The following DLG2 variants were observed in gnomAD, a reference collection of about 807,000 sequenced individuals.
DLG2 encodes the protein disks large homolog 2.
Under a neutral mutation model 132.5 loss-of-function variants are expected in DLG2, and 45 were observed. The observed-to-expected ratio is 0.34, with a 90% CI of 0.27 to 0.44. The LOEUF is 0.44. DLG2 is among the 20% of genes least tolerant of loss of function. The pLI is 1.00. For synonymous variants in DLG2, 424 were observed against 419.6 expected (o/e 1.01, Z -0.13); for missense variants, 1,045 against 1,196.9 (o/e 0.87, Z 1.87).
At chr11:83,867,719 AGTT>A (rs2062665049) in intron 16 of DLG2, among the ~76,000 whole-genome samples, 1 of 152,178 alleles carries the variant, frequency 6.6e-6, no homozygotes, top group Non-Finnish European at 1.5e-5. Flanking sequence ...ATTTTTACAC[AGTT>A]GTTATTTGAA....
intron 18 of DLG2, among the ~76,000 whole-genome samples, chr11:83,724,559 G>A (rs1249025783): frequency 6.7e-6 from 1 of 148,272 alleles, no homozygotes; most frequent in African/African-American, 2.5e-5. Flanking sequence ...AGATAATCCT[G>A]CTGAAGAGGC....
intron 3 of DLG2, among the ~76,000 whole-genome samples, chr11:85,396,623 C>T (rs537848472): frequency 3.9e-5 from 6 of 152,066 alleles, no homozygotes; most frequent in South Asian, 2.1e-4. Context: ...GAGCACTTCG[C>T]GATGCATGCA....
chr11:84,618,759 C>A (rs187723146), intron 6 of DLG2, among the ~76,000 whole-genome samples: 36 of 152,032 alleles, frequency 2.4e-4, no homozygotes, highest in Non-Finnish European at 4.3e-4. Flanking sequence ...AGACCACCAT[C>A]AAGGAGATAG....
chr11:83,805,735 T>A (rs990332178), intron 17 of DLG2, among the ~76,000 whole-genome samples: 29 of 152,176 alleles, frequency 1.9e-4, no homozygotes, highest in Non-Finnish European at 4.4e-5. Flanking sequence ...ATGTGCAAAT[T>A]TCTTAGCCCT....
chr11:85,480,482 A>C (rs2093261481), intron 3 of DLG2, among the ~76,000 whole-genome samples: 2 of 152,240 alleles, frequency 1.3e-5, no homozygotes, highest in Admixed American at 1.3e-4. Context: ...TTGAACAAAA[A>C]AAGGCGAGCT....
chr11:85,523,224 A>G (rs1015240755), intron 3 of DLG2, among the ~76,000 whole-genome samples: 14 of 152,084 alleles, frequency 9.2e-5, no homozygotes, highest in African/African-American at 3.4e-4. Context: ...TACTTCTCTC[A>G]TTCTCTCTCC....
intron 11 of DLG2, among the ~76,000 whole-genome samples, chr11:84,003,051 T>A (rs1192010054): frequency 6.6e-6 from 1 of 152,168 alleles, no homozygotes; most frequent in Admixed American, 6.5e-5. Flanking sequence ...CCCTAAATCA[T>A]CTCTCTTAAG....
chr11:85,037,870 T>G (rs998117747), intron 6 of DLG2, among the ~76,000 whole-genome samples: 1 of 152,160 alleles, frequency 6.6e-6, no homozygotes, highest in Non-Finnish European at 1.5e-5. Flanking sequence ...ATAATAGATC[T>G]TAAAATATCA....
intron 18 of DLG2, among the ~76,000 whole-genome samples, chr11:83,695,721 AGAGT>A (rs1239715762): frequency 7.9e-5 from 12 of 152,176 alleles, no homozygotes; most frequent in African/African-American, 2.9e-4. Context: ...CCTGGGTGAC[AGAGT>A]GAGACTCCAT....
At chr11:85,349,811 C>G (rs976973065) in intron 3 of DLG2, among the ~76,000 whole-genome samples, 9 of 152,064 alleles carry the variant, frequency 5.9e-5, no homozygotes, top group Non-Finnish European at 1.3e-4. Flanking sequence ...CAGTCTGTCA[C>G]TGATGGACAT....
At chr11:83,792,099 C>T (rs1053369475) in intron 17 of DLG2, among the ~76,000 whole-genome samples, 5 of 152,062 alleles carry the variant, frequency 3.3e-5, no homozygotes, top group Non-Finnish European at 7.4e-5. Flanking sequence ...TTAATGAAAG[C>T]CCAGTATTCC....
chr11:84,013,498 C>T (rs2094995881), intron 11 of DLG2, among the ~76,000 whole-genome samples: 4 of 152,084 alleles, frequency 2.6e-5, no homozygotes, highest in Admixed American at 2.6e-4. Context: ...GATTGCAGAA[C>T]GTTATTGAAG....
At chr11:84,030,951 G>A (rs890978514) in intron 11 of DLG2, among the ~76,000 whole-genome samples, 1 of 152,146 alleles carries the variant, frequency 6.6e-6, no homozygotes, top group African/African-American at 2.4e-5. Context: ...AGGGACAAGA[G>A]ATAGTTAAAT....
At chr11:85,443,478 C>T (rs2091878701) in intron 3 of DLG2, among the ~76,000 whole-genome samples, 1 of 152,102 alleles carries the variant, frequency 6.6e-6, no homozygotes, top group Non-Finnish European at 1.5e-5. Context: ...CTTTAATATT[C>T]TATGTTTCTC....
intron 3 of DLG2, among the ~76,000 whole-genome samples, chr11:85,578,311 C>T (rs761278406): frequency 5.9e-5 from 9 of 152,136 alleles, no homozygotes; most frequent in East Asian, 1.9e-4. Flanking sequence ...TAGGCAATGC[C>T]ATTCTGGACA....
chr11:85,366,140 T>G (rs1393068596), intron 3 of DLG2, among the ~76,000 whole-genome samples: 1 of 152,210 alleles, frequency 6.6e-6, no homozygotes, highest in Admixed American at 6.5e-5. Context: ...AAAATGTAAT[T>G]GCTAGCTCTG....
chr11:84,730,530 T>A (rs1309930306), intron 6 of DLG2, among the ~76,000 whole-genome samples: 1 of 152,076 alleles, frequency 6.6e-6, no homozygotes, highest in Non-Finnish European at 1.5e-5. Context: ...TTATATTGTG[T>A]TGCCCATCTG....
At chr11:84,877,750 A>G (rs571958733) in intron 6 of DLG2, among the ~76,000 whole-genome samples, 70 of 152,260 alleles carry the variant, frequency 4.6e-4, no homozygotes, top group African/African-American at 1.7e-3. Flanking sequence ...TCTGCATAGC[A>G]AAAGAAACTG....
chr11:84,990,130 A>G (rs2056927703), intron 6 of DLG2, among the ~76,000 whole-genome samples: 1 of 152,254 alleles, frequency 6.6e-6, no homozygotes, highest in South Asian at 2.1e-4. Flanking sequence ...CGATATGTGA[A>G]GAACTCCACA....
Sources: gnomAD v4.1 joint callset for allele counts (sites outside exome capture counted in the v4.1 genomes callset) on GRCh38, gnomAD v4.1.1 for gene constraint, MANE v1.5 for transcripts, NCBI Gene and HGNC (gene_info 2026-07-23, HGNC 2026-07-21) for gene names.